SBNO1: variants seen among roughly 807,000 people sequenced by gnomAD.
The protein encoded by SBNO1 is protein strawberry notch homolog 1.
SBNO1 carries 23 observed loss-of-function variants against 173.6 expected under a neutral mutation model. The observed-to-expected ratio is 0.13, with a 90% CI of 0.10 to 0.19. SBNO1 has a LOEUF of 0.19. Among genes scored for constraint, SBNO1 ranks in the 10% least tolerant of loss-of-function variants. The pLI is 1.00. For synonymous variants in SBNO1, 632 were observed against 571.5 expected (o/e 1.11, Z -1.51); for missense variants, 1,238 against 1,671.2 (o/e 0.74, Z 4.52).
At chr12:123,341,480 A>C (rs1215071608) in intron 4 of SBNO1, among the ~76,000 whole-genome samples, 1 of 152,204 alleles carries the variant, frequency 6.6e-6, no homozygotes, top group Non-Finnish European at 1.5e-5. Flanking sequence ...AGAAGTTTAC[A>C]TATTTCAAAA....
chr12:123,311,720 C>CTATCTATCTATCTATATA (rs1224940028), intron 24 of SBNO1, among the ~76,000 whole-genome samples: 14 of 127,448 alleles, frequency 1.1e-4, no homozygotes, highest in African/African-American at 3.8e-4. Flanking sequence ...ATCTATCTAT[C>CTATCTATCTATCTATATA]TATATATATA....
chr12:123,297,814 G>T (rs1465127515), intron 31 of SBNO1, among the ~76,000 whole-genome samples, 164 bp downstream of exon 31: 1 of 152,128 alleles, frequency 6.6e-6, no homozygotes, highest in Non-Finnish European at 1.5e-5. Context: ...CTGTTTGAAG[G>T]CTTAACTTCT....
chr12:123,362,136 C>A (rs1160376591), intron 1 of SBNO1, among the ~76,000 whole-genome samples: 2 of 135,904 alleles, frequency 1.5e-5, no homozygotes, highest in Non-Finnish European at 1.6e-5. Flanking sequence ...CGAGACTCCA[C>A]CTCAAAAAAA....
At chr12:123,333,581 C>T (rs960307038) in intron 7 of SBNO1, among the ~76,000 whole-genome samples, 5 of 151,928 alleles carry the variant, frequency 3.3e-5, no homozygotes, top group Non-Finnish European at 5.9e-5. Context: ...ATTGCAGCCT[C>T]GACTTCCTGG....
intron 5 of SBNO1, among the ~76,000 whole-genome samples, chr12:123,339,711 TG>T (rs1872302472): frequency 6.6e-6 from 1 of 151,980 alleles, no homozygotes; most frequent in Non-Finnish European, 1.5e-5. Context: ...CGCTCGAACC[TG>T]GGAGGCGGAG....
In SBNO1 at chr12:123,292,761, A is replaced by G. The variant is rs2048530830; in HGVS notation, c.*3147T>C. Reference sequence around the variant, plus strand: ...TTTGGATGCAGGTTCTTACTAATTTATATACACATGTAAAGAGAAGATACT... The same window carrying G: ...TTTGGATGCAGGTTCTTACTAATTTGTATACACATGTAAAGAGAAGATACT... On this transcript the variant is annotated 3_prime_UTR_variant, in exon 32 of 32. Coordinates refer to ENST00000602398, the MANE Select transcript of SBNO1 (RefSeq NM_001167856.3). 6.6e-6 allele frequency: 1 copy of G among 152,250 alleles called. No individual in the cohort carries two copies. The highest frequency in any genetic ancestry group is 1.5e-5 in the Non-Finnish European group (1 of 68,038). The allele number at this position is 152,250 out of a possible 1,614,324, so 9.4% of individuals were successfully genotyped here. A position where few individuals can be genotyped will look rare whatever the true frequency, so the allele number is the denominator to read the frequency against.
chr12:123,349,987 G>T (rs1386322480), intron 2 of SBNO1, among the ~76,000 whole-genome samples: 1 of 152,084 alleles, frequency 6.6e-6, no homozygotes, highest in Non-Finnish European at 1.5e-5. Flanking sequence ...GCCAAGCTTG[G>T]CTCGCACCTG....
At chr12:123,351,567 T>C (rs1358753519) in intron 1 of SBNO1, among the ~76,000 whole-genome samples, 3 of 152,198 alleles carry the variant, frequency 2.0e-5, no homozygotes, top group Non-Finnish European at 2.9e-5. Flanking sequence ...GGAGCTGTGA[T>C]TGCACAACTG....
At position 123,309,680 on chromosome 12, in the gene SBNO1, CATTGTGGGGGGGAA is replaced by C. The variant is rs1470480328; in HGVS notation, c.3442+16_3442+29del. The C allele has an allele frequency of 1.2e-6, 2 of 1,608,498 alleles. No individual in the cohort carries two copies. Among genetic ancestry groups the C allele is most frequent in the Non-Finnish European group, 1.7e-6 (2 of 1,176,642 alleles). On this transcript the variant is annotated intron_variant, in intron 26 of 31. Transcript: ENST00000602398. ...CTCCACTCCACATTTTCCCTGGGGA[CATTGTGGGGGGGAA>C]ATTTTCCCTACTTACCTAAGATTCC...
chr12:123,324,812 A>C (rs1192746558), intron 15 of SBNO1, among the ~76,000 whole-genome samples: 1 of 150,386 alleles, frequency 6.6e-6, no homozygotes, highest in African/African-American at 2.4e-5. Context: ...ATTTTATTTT[A>C]TTTTTTTTTG....
chr12:123,316,560 C>T (rs1869296673), intron 21 of SBNO1, among the ~76,000 whole-genome samples: 1 of 151,850 alleles, frequency 6.6e-6, no homozygotes, highest in Non-Finnish European at 1.5e-5. Context: ...CGCTCTGTCA[C>T]CCAGGCTGGA....
chr12:123,352,225 T>G (rs1873958213), intron 1 of SBNO1, among the ~76,000 whole-genome samples: 1 of 152,242 alleles, frequency 6.6e-6, no homozygotes, highest in African/African-American at 2.4e-5. Flanking sequence ...ATAAATATAC[T>G]AATTTTCAGC....
chr12:123,363,437 C>CCGGAA (rs1234171275), intron 1 of SBNO1, among the ~76,000 whole-genome samples: 3 of 152,198 alleles, frequency 2.0e-5, no homozygotes, highest in Non-Finnish European at 4.4e-5. Context: ...CTAGGGCACT[C>CCGGAA]CGGATGACAG....
chr12:123,331,519 TAG>T (rs991537705), intron 7 of SBNO1, 144 bp from the exon 8 acceptor site: 14 of 834,166 alleles, frequency 1.7e-5, no homozygotes, highest in Admixed American at 3.1e-5. Context: ...ATAAATTTCA[TAG>T]AGTTTTGGAT....
At chr12:123,346,242 C>A (rs1873119314) in intron 3 of SBNO1, among the ~76,000 whole-genome samples, 2 of 152,196 alleles carry the variant, frequency 1.3e-5, no homozygotes, top group African/African-American at 2.4e-5. Context: ...ACCCCTCCCA[C>A]CCCAATCTCC....
At chr12:123,343,981 T>A (rs533276890) in intron 4 of SBNO1, among the ~76,000 whole-genome samples, 1 of 152,188 alleles carries the variant, frequency 6.6e-6, no homozygotes, top group African/African-American at 2.4e-5. Context: ...GTACTAGATA[T>A]CTTGTTCAGT....
intron 2 of SBNO1, among the ~76,000 whole-genome samples, chr12:123,348,578 A>G (rs561579499): frequency 6.6e-6 from 1 of 152,280 alleles, no homozygotes; most frequent in African/African-American, 2.4e-5. Context: ...CATCCTGGCT[A>G]ATGTGGTGAA....
Position 123,289,556 on chromosome 12 carries a change from G to C in SBNO1, c.*6352C>G, listed in dbSNP as rs1158143481. 6.6e-6 allele frequency: 1 copy of C among 152,218 alleles called. No homozygotes were observed. Among genetic ancestry groups the C allele is most frequent in the Non-Finnish European group, 1.5e-5 (1 of 68,036 alleles). The allele number at this position is 152,218 out of a possible 1,614,324, so 9.4% of individuals were successfully genotyped here. ...TGTTGTCTCCAGATGCACCATGTCAGATTAGTAAAGGAGAACCATCTACAC... is the reference window on the plus strand; with the variant it reads ...TGTTGTCTCCAGATGCACCATGTCACATTAGTAAAGGAGAACCATCTACAC... On this transcript the variant is annotated 3_prime_UTR_variant, in exon 32 of 32. Coordinates refer to ENST00000602398, the MANE Select transcript of SBNO1 (RefSeq NM_001167856.3).
At position 123,320,853 on chromosome 12, in the gene SBNO1, A is replaced by C. The variant is rs761970832; in HGVS notation, c.2337T>G (p.Ile779Met). Residue 779 changes from isoleucine (I) to methionine (M), a missense_variant, in exon 18 of 32, where the codon ATT (isoleucine) becomes ATG (methionine). Coordinates refer to ENST00000602398, the MANE Select transcript of SBNO1 (RefSeq NM_001167856.3). ...NEDDENDPWL[I>M]RKDHKKNKEK... Reference sequence around the variant, plus strand: ...CTTTGTTTTTCTTGTGGTCTTTTCTAATTAACCAGGGATCTGAGTGTTAAG... The same window carrying C: ...CTTTGTTTTTCTTGTGGTCTTTTCTCATTAACCAGGGATCTGAGTGTTAAG... The C allele has an allele frequency of 6.3e-7, 1 of 1,580,056 alleles. No homozygotes were observed. Among genetic ancestry groups the C allele is most frequent in the Non-Finnish European group, 8.6e-7 (1 of 1,165,174 alleles).
Sources: allele counts gnomAD v4.1 joint callset (sites outside exome capture counted in the v4.1 genomes callset), GRCh38; gene constraint gnomAD v4.1.1; transcripts MANE v1.5; gene names NCBI Gene and HGNC (gene_info 2026-07-23, HGNC 2026-07-21).